APOBEC3G: variants seen among roughly 807,000 people sequenced by gnomAD.
APOBEC3G encodes DNA dC->dU-editing enzyme APOBEC-3G.
A neutral mutation model predicts 50.0 loss-of-function variants in APOBEC3G; 44 were observed. The observed-to-expected ratio is 0.88, with a 90% confidence interval of 0.69 to 1.13. APOBEC3G has a LOEUF of 1.13. APOBEC3G is among the 50% of genes most tolerant of loss of function. APOBEC3G has a pLI of 0.00. For synonymous variants in APOBEC3G, 156 were observed against 175.3 expected (o/e 0.89, Z 0.87); for missense variants, 469 against 492.0 (o/e 0.95, Z 0.44).
chr22:39,086,706 T>TG, intron 6 of APOBEC3G, 139 bp downstream of exon 6: 3 of 1,275,296 alleles, frequency 2.4e-6, no homozygotes, highest in Non-Finnish European at 3.2e-6. Context: ...GGCTGCACTC[T>TG]GGACCTGACT....
At chr22:39,084,255 A>G (rs5757468) in intron 5 of APOBEC3G, among the ~76,000 whole-genome samples, 99,751 of 151,548 alleles carry the variant, frequency 0.66, 32,956 homozygotes, top group East Asian at 0.75. Context: ...CCGGCCGGGC[A>G]CGGTGGCTCA....
At chr22:39,080,361 T>G (rs1439768350) in intron 2 of APOBEC3G, 1 of 250,342 alleles carries the variant, frequency 4.0e-6, no homozygotes, top group Non-Finnish European at 6.4e-6. Context: ...CTTGTGATGC[T>G]TCAACAGCAG....
At chr22:39,079,297 C>T in intron 2 of APOBEC3G, 1 of 600,730 alleles carries the variant, frequency 1.7e-6, no homozygotes, top group Non-Finnish European at 2.7e-6. Context: ...CCTTGTGTTT[C>T]CGTTTTTCTT....
rs777612685 is a variant in APOBEC3G at position 39,086,966 on chromosome 22, G to A, written c.1025-45G>A. 9 of 1,557,146 alleles carry A rather than the reference G, an allele frequency of 5.8e-6. No individual in the cohort carries two copies. In the Admixed American group the frequency reaches 9.0e-5, roughly 16 times the overall value. ...AGTCATGGGCCTTTGGTGCCACCAC[G>A]ATCCCACAGCGGGAGTGTGACTTAT... On this transcript the variant is annotated intron_variant, in intron 6 of 7. Coordinates refer to ENST00000407997, the MANE Select transcript of APOBEC3G (RefSeq NM_021822.4).
intron 6 of APOBEC3G, 55 bp downstream of exon 6, chr22:39,086,622 G>A (rs17537574): frequency 0.067 from 103,080 of 1,530,928 alleles, 3,949 homozygotes; most frequent in African/African-American, 0.12. Context: ...AGAGGGCCCC[G>A]GGAAGTTACT....
intron 2 of APOBEC3G, chr22:39,080,142 C>A (rs773521988): frequency 2.3e-6 from 1 of 438,344 alleles, no homozygotes; most frequent in East Asian, 1.5e-4. Flanking sequence ...GCCATGTCAC[C>A]CCCCCCGACA....
rs373770107 is a variant in APOBEC3G, at chr22:39,083,904, G to C, written c.735+20G>C. The C allele has an allele frequency of 5.0e-6, 8 of 1,608,206 alleles. No homozygotes were observed. The South Asian group carries it at 5.5e-5, about 11-fold the overall frequency. On this transcript the variant is annotated intron_variant, in intron 5 of 7. Transcript: ENST00000407997. ...AACCAGGTGACCAACCCAGCCACCC[G>C]CATCCAGGCAGGGCCCTCCCAACCC...
chr22:39,078,305 G>A (rs1928255698), intron 1 of APOBEC3G, among the ~76,000 whole-genome samples: 1 of 152,034 alleles, frequency 6.6e-6, no homozygotes, highest in African/African-American at 2.4e-5. Flanking sequence ...GGAATATATG[G>A]GAAAAAAACT....
At chr22:39,080,044 CAA>C (rs374258075) in intron 2 of APOBEC3G, 59 of 148,232 alleles carry the variant, frequency 4.0e-4, no homozygotes, top group South Asian at 2.2e-4. Context: ...AACTCCATCT[CAA>C]AAAAAAAAAA....
Position 39,086,269 on chromosome 22 carries a change from T to G in APOBEC3G, c.736-10T>G, listed in dbSNP as rs775275831. The G allele has an allele frequency of 1.9e-5, 29 of 1,554,110 alleles. No individual in the cohort carries two copies. The highest frequency in any genetic ancestry group is 1.7e-4 in the Middle Eastern group (1 of 5,790). ...AAAAAGATTACCTCATGGCTTGCTT[T>G]CTTTTCTAGGCTCCACATAAACACG... On this transcript the variant is annotated splice_polypyrimidine_tract_variant and intron_variant, in intron 5 of 7. Coordinates refer to ENST00000407997, the MANE Select transcript of APOBEC3G (RefSeq NM_021822.4).
rs199664843 is a variant in APOBEC3G, at chr22:39,086,354, C to G, written c.811C>G (p.Leu271Val). The G allele has an allele frequency of 3.1e-6, 5 of 1,613,910 alleles. No homozygotes were observed. The East Asian group carries it at 1.1e-4, about 36-fold the overall frequency. Reference sequence around the variant, plus strand: ...CCTGGACGTGATTCCCTTTTGGAAGCTGGACCTGGACCAGGACTACAGGGT... The same window carrying G: ...CCTGGACGTGATTCCCTTTTGGAAGGTGGACCTGGACCAGGACTACAGGGT... ...CFLDVIPFWK[L>V]DLDQDYRVTC... is the part of the protein sequence containing the mutation. Residue 271 changes from leucine (L) to valine (V), a missense_variant, in exon 6 of 8, where the codon CTG becomes GTG. Physicochemically the swap from Leu to Val is conservative, Grantham distance 32 (BLOSUM62 1). Coordinates refer to ENST00000407997, the MANE Select transcript of APOBEC3G (RefSeq NM_021822.4).
intron 5 of APOBEC3G, among the ~76,000 whole-genome samples, chr22:39,084,176 C>T (rs1928597930): frequency 6.6e-6 from 1 of 152,166 alleles, no homozygotes. Context: ...TCCTGCTGTG[C>T]TCTGAGAGGG....
At chr22:39,077,167 G>A, upstream of APOBEC3G, 1 of 772,662 alleles carries the variant, frequency 1.3e-6, no homozygotes, top group Admixed American at 2.8e-5. Context: ...ACCAGAAAGA[G>A]GGTGAGAGAC....
intron 1 of APOBEC3G, 156 bp from the exon 2 acceptor site, chr22:39,078,776 G>A (rs1319125440): frequency 1.2e-5 from 12 of 1,022,266 alleles, no homozygotes; most frequent in East Asian, 2.8e-5. Context: ...GTAGTGGCGC[G>A]ATCTTGGCTC....
Position 39,079,087 on chromosome 22 carries a change from T to A in APOBEC3G, c.171+2T>A. ...GACGCAAAGATCTTTCGAGGCCAGGTACCACCCGGACTCCAATCACTTTGC... is the reference window on the plus strand; with the variant it reads ...GACGCAAAGATCTTTCGAGGCCAGGAACCACCCGGACTCCAATCACTTTGC... On this transcript the variant is annotated splice_donor_variant, in intron 2 of 7. Transcript: ENST00000407997. LOFTEE classifies it high-confidence loss of function. 1 of 1,613,978 alleles carries A rather than the reference T, an allele frequency of 6.2e-7. No homozygotes were observed. Among genetic ancestry groups the A allele is most frequent in the Non-Finnish European group, 8.5e-7 (1 of 1,179,946 alleles).
intron 5 of APOBEC3G, among the ~76,000 whole-genome samples, chr22:39,084,286 T>C (rs1928603680): frequency 6.6e-6 from 1 of 152,140 alleles, no homozygotes; most frequent in Non-Finnish European, 1.5e-5. Context: ...CCCAGCACTT[T>C]GGGAGGCCGA....
chr22:39,081,613 C>G, intron 4 of APOBEC3G, 28 bp downstream of exon 4: 1 of 1,564,104 alleles, frequency 6.4e-7, no homozygotes, highest in Non-Finnish European at 8.8e-7. Context: ...GGCTCATCGC[C>G]TCGCTCCTCT....
Position 39,087,434 on chromosome 22 carries a change from A to C in APOBEC3G, c.*13A>C, listed in dbSNP as rs1179492028. 6 of 1,613,956 alleles carry C rather than the reference A, an allele frequency of 3.7e-6. No homozygotes were observed. Among genetic ancestry groups the C allele is most frequent in the Non-Finnish European group, 5.1e-6 (6 of 1,179,870 alleles). On this transcript the variant is annotated 3_prime_UTR_variant, in exon 8 of 8. Coordinates refer to ENST00000407997, the MANE Select transcript of APOBEC3G (RefSeq NM_021822.4). ...TCAGGAAAACTGAAGGATGGGCCTCAGTCTCTAAGGAAGGCAGAGACCTGG... is the reference window on the plus strand; with the variant it reads ...TCAGGAAAACTGAAGGATGGGCCTCCGTCTCTAAGGAAGGCAGAGACCTGG...
At chr22:39,083,310 C>G (rs1344074774) in intron 4 of APOBEC3G, 1 of 156,436 alleles carries the variant, frequency 6.4e-6, no homozygotes, top group African/African-American at 2.4e-5. Context: ...TGCCCTGATG[C>G]TGGGTGTGGC....
Sources: gnomAD v4.1 joint callset for allele counts (sites outside exome capture counted in the v4.1 genomes callset) on GRCh38, gnomAD v4.1.1 for gene constraint, MANE v1.5 for transcripts, NCBI Gene and HGNC (gene_info 2026-07-23, HGNC 2026-07-21) for gene names.